The following CPNE3 variants were observed in gnomAD, a reference collection of about 807,000 sequenced individuals.
CPNE3 encodes the protein copine 3.
In CPNE3, 68 loss-of-function variants were observed where a neutral mutation model predicts 63.9. That is an observed-to-expected ratio of 1.06 (90% CI 0.87 to 1.30). The LOEUF (loss-of-function observed/expected upper bound fraction) is 1.30, where lower values mean the gene tolerates loss of function less well. Ranked by LOEUF, CPNE3 falls within the 50% of genes most tolerant of loss-of-function variation. The probability of loss-of-function intolerance (pLI) is 0.00; values close to 1 mark genes in which losing one functional copy is unlikely to be tolerated. For missense variants in CPNE3, 665 were observed against 578.1 expected (o/e 1.15, Z -1.54); for synonymous variants, 219 against 197.5 (o/e 1.11, Z -0.91).
chr8:86,530,690 ATTTTT>A (rs34745647), intron 4 of CPNE3, among the ~76,000 whole-genome samples: 4 of 135,786 alleles, frequency 2.9e-5, no homozygotes, highest in African/African-American at 8.4e-5. Flanking sequence ...AAATATTTAG[ATTTTT>A]TTTTTTTTTT....
At chr8:86,546,765 G>A (rs1021315603) in intron 10 of CPNE3, 84 bp downstream of exon 10, 34 of 1,430,530 alleles carry the variant, frequency 2.4e-5, no homozygotes, top group Admixed American at 1.2e-4. Flanking sequence ...AGGCTGGAGC[G>A]CAGTGGTGTG....
chr8:86,556,245 T>C lies in CPNE3; in HGVS notation c.1398T>C (p.Phe466=), dbSNP rs146057787. 3.8e-4 allele frequency: 336 copies of C among 873,034 alleles called. 1 individual carries two copies. In the African/African-American group the frequency reaches 5.0e-3, roughly 13 times the overall value. 54.1% of individuals were successfully genotyped at this position (873,034 alleles called of 1,614,324 possible). A position where few individuals can be genotyped will look rare whatever the true frequency, so the allele number is the denominator to read the frequency against. ...GTGCTGACTTCAGCGCCATGGAGTT[T>C]CTGGATGGTGATGGTGGAAGTCTCC... The part of the protein sequence containing the change: ...VGGADFSAME[F]LDGDGGSLRS... Residue 466 remains phenylalanine, a synonymous_variant, in exon 16 of 17, where the codon TTT becomes TTC. Coordinates refer to ENST00000517490, the MANE Select transcript of CPNE3 (RefSeq NM_003909.5).
In CPNE3 at chr8:86,556,140, C is replaced by G. The variant is rs375476367; in HGVS notation, c.1293C>G (p.Ile431Met). 2.3e-6 allele frequency: 2 copies of G among 872,852 alleles called. No homozygotes were observed. The highest frequency in any genetic ancestry group is 4.0e-6 in the Non-Finnish European group (2 of 501,678). 54.1% of individuals were successfully genotyped at this position (872,852 alleles called of 1,614,324 possible). The change falls in exon 16 of 17, where the codon ATC (isoleucine) becomes ATG (methionine). Residue 431 changes from isoleucine to methionine, a missense_variant. Physicochemically the swap from Ile to Met is conservative, Grantham distance 10. Coordinates refer to ENST00000517490, the MANE Select transcript of CPNE3 (RefSeq NM_003909.5). ...TTTTGATTATTACTGATGGTGTGATCACAGACCTTGATGAAACCAGACAAG... is the reference window on the plus strand; with the variant it reads ...TTTTGATTATTACTGATGGTGTGATGACAGACCTTGATGAAACCAGACAAG... ...FVLLIITDGV[I>M]TDLDETRQAI...
intron 7 of CPNE3, among the ~76,000 whole-genome samples, chr8:86,538,141 A>G (rs768501935): frequency 1.3e-5 from 2 of 152,172 alleles, no homozygotes; most frequent in Non-Finnish European, 2.9e-5. Context: ...TTGGGAAGCC[A>G]AGGCAGGTGG....
intron 11 of CPNE3, 109 bp downstream of exon 11, chr8:86,547,879 C>T (rs1014023501): frequency 1.5e-6 from 1 of 667,968 alleles, no homozygotes; most frequent in Non-Finnish European, 2.6e-6. Context: ...ATCTGTTTAG[C>T]ATAGTCCTCT....
At chr8:86,522,091 T>A (rs1262130760) in intron 2 of CPNE3, among the ~76,000 whole-genome samples, 1 of 152,158 alleles carries the variant, frequency 6.6e-6, no homozygotes, top group African/African-American at 2.4e-5. Context: ...GAAAAAGAAA[T>A]CTGGTAGTCA....
chr8:86,521,332 G>A (rs543121973), intron 2 of CPNE3, among the ~76,000 whole-genome samples: 28 of 152,084 alleles, frequency 1.8e-4, no homozygotes, highest in African/African-American at 6.3e-4. Flanking sequence ...TCCATTCTTT[G>A]GCAAGCTTTT....
intron 9 of CPNE3, 185 bp downstream of exon 9, chr8:86,545,023 A>G (rs1156422334): frequency 2.8e-6 from 1 of 350,986 alleles, no homozygotes; most frequent in African/African-American, 2.1e-5. Context: ...TTTATTGAGC[A>G]GAACACCACG....
chr8:86,556,005 G>A (rs1339770339), intron 15 of CPNE3, 97 bp from the exon 16 acceptor site: 3 of 741,694 alleles, frequency 4.0e-6, no homozygotes, highest in Non-Finnish European at 7.4e-6. Context: ...AGACTGGCAA[G>A]GAAAATGAAC....
At position 86,544,749 on chromosome 8, in the gene CPNE3, T is replaced by C. The variant is rs750373878; in HGVS notation, c.643T>C (p.Tyr215His). The C allele has an allele frequency of 2.7e-6, 4 of 1,498,020 alleles. No homozygotes were observed. The African/African-American group carries it at 4.3e-5, about 16-fold the overall frequency. 92.8% of individuals were successfully genotyped at this position (1,498,020 alleles called of 1,614,324 possible). A position where few individuals can be genotyped will look rare whatever the true frequency, so the allele number is the denominator to read the frequency against. The change falls in exon 9 of 17, where the codon TAT (tyrosine) becomes CAT (histidine). Residue 215 changes from tyrosine to histidine, a missense_variant. Tyr to His is a moderately conservative substitution (Grantham distance 83). Coordinates refer to ENST00000517490, the MANE Select transcript of CPNE3 (RefSeq NM_003909.5). ...DMDKTIKVECYDYDNDGSHDL... is the reference protein window; with the variant it reads ...DMDKTIKVECHDYDNDGSHDL... ...TTATATTTAATTTCAGGTGGAGTGT[T>C]ATGATTATGACAATGATGGGTCACA...
At chr8:86,549,866 C>G (rs1393204886) in intron 12 of CPNE3, among the ~76,000 whole-genome samples, 2 of 152,180 alleles carry the variant, frequency 1.3e-5, no homozygotes, top group African/African-American at 2.4e-5. Context: ...TGGCAAATCA[C>G]TTCTACTCAC....
At chr8:86,543,787 G>A (rs559296621) in intron 8 of CPNE3, among the ~76,000 whole-genome samples, 35 of 152,214 alleles carry the variant, frequency 2.3e-4, no homozygotes, top group African/African-American at 7.9e-4. Context: ...ATAAATGTTT[G>A]CAGAAGTGAA....
chr8:86,558,236 G>A (rs1821363792), intron 16 of CPNE3, 52 bp from the exon 17 acceptor site: 4 of 870,704 alleles, frequency 4.6e-6, no homozygotes, highest in East Asian at 4.8e-5. Flanking sequence ...TTATGAAAAA[G>A]CCAGGAAAAT....
chr8:86,537,994 C>CAA (rs1351540432), intron 7 of CPNE3, among the ~76,000 whole-genome samples: 1 of 151,756 alleles, frequency 6.6e-6, no homozygotes, highest in Middle Eastern at 3.2e-3. Flanking sequence ...CTCTCACACA[C>CAA]ACACACACAC....
intron 2 of CPNE3, among the ~76,000 whole-genome samples, chr8:86,518,794 A>G (rs1254410296): frequency 6.6e-6 from 1 of 151,844 alleles, no homozygotes; most frequent in East Asian, 1.9e-4. Context: ...TATTTGTGAG[A>G]TGGGACCTCA....
At position 86,552,476 on chromosome 8, in the gene CPNE3, T is replaced by C. The variant is rs13257696; in HGVS notation, c.1120+1242T>C. ...TAGAATTTGTTGTAATTAGCTTTCA[T>C]TTATTGTAAATGAATATGGATGACA... On this transcript the variant is annotated intron_variant, in intron 14 of 16. Transcript: ENST00000517490. 8.5e-3 allele frequency among the ~76,000 whole-genome samples: 1,290 copies of C among 152,304 alleles called. 14 individuals are homozygous for C. The highest frequency in any genetic ancestry group is 0.017 in the South Asian group (82 of 4,826).
intron 10 of CPNE3, among the ~76,000 whole-genome samples, chr8:86,546,883 G>A (rs1003142180): frequency 1.3e-5 from 2 of 152,078 alleles, no homozygotes; most frequent in Non-Finnish European, 1.5e-5. Context: ...GCTAATTTTT[G>A]TATTTTTAGT....
At chr8:86,532,774 T>A (rs1820710336) in intron 6 of CPNE3, among the ~76,000 whole-genome samples, 194 bp downstream of exon 6, 1 of 152,174 alleles carries the variant, frequency 6.6e-6, no homozygotes, top group Admixed American at 6.5e-5. Context: ...TTCATCTAGA[T>A]GTAATCAAAG....
At chr8:86,535,650 G>A (rs1032807266) in intron 6 of CPNE3, among the ~76,000 whole-genome samples, 2 of 152,062 alleles carry the variant, frequency 1.3e-5, no homozygotes, top group African/African-American at 2.4e-5. Context: ...CCTGGGTGAC[G>A]TCTCCAAAAC....
Sources: gnomAD v4.1 joint callset for allele counts (sites outside exome capture counted in the v4.1 genomes callset) on GRCh38, gnomAD v4.1.1 for gene constraint, MANE v1.5 for transcripts, NCBI Gene and HGNC (gene_info 2026-07-23, HGNC 2026-07-21) for gene names.